WDR7: variants seen among roughly 807,000 people sequenced by gnomAD.
WDR7 encodes WD repeat-containing protein 7.
A neutral mutation model predicts 169.4 loss-of-function variants in WDR7; 46 were observed. The ratio of observed to expected loss-of-function variants is 0.27; its 90% CI spans 0.21 to 0.35. The LOEUF is 0.35. WDR7 is among the 10% of genes least tolerant of loss of function. The probability of loss-of-function intolerance (pLI) is 1.00; values close to 1 mark genes in which losing one functional copy is unlikely to be tolerated. For missense variants in WDR7, 1,534 were observed against 1,859.3 expected (o/e 0.83, Z 3.22); for synonymous variants, 612 against 666.8 (o/e 0.92, Z 1.27).
chr18:56,770,057 A>G (rs2044129356), intron 16 of WDR7, among the ~76,000 whole-genome samples: 2 of 152,142 alleles, frequency 1.3e-5, no homozygotes, highest in Admixed American at 6.5e-5. Flanking sequence ...AGCTCAGGAA[A>G]TATTTACTGA....
At chr18:57,006,261 A>C (rs2048056836) in intron 26 of WDR7, among the ~76,000 whole-genome samples, 1 of 152,118 alleles carries the variant, frequency 6.6e-6, no homozygotes, top group Non-Finnish European at 1.5e-5. Context: ...ATAAACAGAG[A>C]GCATCACAGG....
In WDR7 at chr18:56,765,792, A is replaced by G. The variant is rs1403460346; in HGVS notation, c.2848+6839A>G. On this transcript the variant is annotated intron_variant, in intron 16 of 27. Transcript: ENST00000254442. ...TTTCTTTTTATGTATGTATATATGT[A>G]TGTATGTATGTATCTATCTATCTAT... Among the ~76,000 whole-genome samples the G allele has an allele frequency of 3.3e-5, 5 of 151,952 alleles. No individual in the cohort carries two copies. The East Asian group carries it at 9.6e-4, about 29-fold the overall frequency.
At chr18:56,810,796 CTTAATA>C (rs1027423371) in intron 19 of WDR7, among the ~76,000 whole-genome samples, 8 of 152,242 alleles carry the variant, frequency 5.3e-5, no homozygotes, top group African/African-American at 1.9e-4. Flanking sequence ...ACGTAATTCA[CTTAATA>C]TTAAATTCAA....
chr18:56,800,917 C>G (rs2044663239), intron 19 of WDR7, among the ~76,000 whole-genome samples: 1 of 152,130 alleles, frequency 6.6e-6, no homozygotes, highest in Non-Finnish European at 1.5e-5. Context: ...GCTAGGTGTT[C>G]TTGTTACTAC....
At chr18:56,923,491 G>C (rs73958707) in intron 21 of WDR7, among the ~76,000 whole-genome samples, 3 of 152,118 alleles carry the variant, frequency 2.0e-5, no homozygotes, top group Non-Finnish European at 1.5e-5. Context: ...TCATTGCAAC[G>C]CGCCTGTAAT....
At chr18:56,890,419 A>G (rs892058982) in intron 21 of WDR7, among the ~76,000 whole-genome samples, 1 of 152,146 alleles carries the variant, frequency 6.6e-6, no homozygotes, top group Non-Finnish European at 1.5e-5. Context: ...TAATGAATTT[A>G]TTTCCTAGAT....
intron 20 of WDR7, among the ~76,000 whole-genome samples, chr18:56,863,182 G>A (rs1477212864): frequency 6.6e-6 from 1 of 151,686 alleles, no homozygotes; most frequent in Non-Finnish European, 1.5e-5. Context: ...CAAAACAATT[G>A]TAGTGTTAGA....
At chr18:56,810,477 T>C (rs905395761) in intron 19 of WDR7, among the ~76,000 whole-genome samples, 4 of 152,154 alleles carry the variant, frequency 2.6e-5, no homozygotes, top group African/African-American at 9.7e-5. Flanking sequence ...TCACTTCTTA[T>C]TGATTGGGAA....
At position 56,735,621 on chromosome 18, in the gene WDR7, G is replaced by T. The variant is rs1327073541; in HGVS notation, c.1989+4024G>T. 2.0e-5 allele frequency among the ~76,000 whole-genome samples: 3 copies of T among 152,070 alleles called. No individual in the cohort carries two copies. The East Asian group carries it at 5.8e-4, about 29-fold the overall frequency. ...ATTGTCACTGCAAATAGGTGAGGTA[G>T]TTCTTATTGTCCCCAATTAGCAACT... On this transcript the variant is annotated intron_variant, in intron 14 of 27. Transcript: ENST00000254442.
At chr18:56,836,331 A>T (rs1255691599) in intron 20 of WDR7, among the ~76,000 whole-genome samples, 1 of 151,996 alleles carries the variant, frequency 6.6e-6, no homozygotes, top group East Asian at 1.9e-4. Context: ...CCCCTACCTC[A>T]CTGTTGCTGA....
chr18:57,035,503 G>C, the WDR7 span: 1 of 152,308 alleles, frequency 6.6e-6, no homozygotes, highest in African/African-American at 2.4e-5. Context: ...AGAGTGAGGA[G>C]ACTGCTGGAG....
chr18:56,880,265 T>C (rs759723472), intron 21 of WDR7, 100 bp downstream of exon 21: 6 of 1,154,342 alleles, frequency 5.2e-6, no homozygotes, highest in Non-Finnish European at 7.4e-6. Context: ...TTTTAGCTCA[T>C]TTAGATTGCT....
chr18:56,725,332 A>G (rs1057022718), intron 13 of WDR7, among the ~76,000 whole-genome samples: 12 of 151,272 alleles, frequency 7.9e-5, no homozygotes, highest in African/African-American at 3.0e-4. Context: ...CTGACTTTTT[A>G]ATGATTGCCA....
intron 3 of WDR7, 68 bp downstream of exon 3, chr18:56,679,506 A>G: frequency 9.2e-7 from 1 of 1,088,164 alleles, no homozygotes; most frequent in African/African-American, 2.0e-5. Context: ...CCTTGTAAGT[A>G]GCGAGGTATT....
chr18:56,748,181 G>A (rs1230030406), intron 14 of WDR7, among the ~76,000 whole-genome samples: 1 of 152,148 alleles, frequency 6.6e-6, no homozygotes, highest in Admixed American at 6.5e-5. Context: ...TACTGCTTGT[G>A]TTATCTGTTT....
intron 5 of WDR7, among the ~76,000 whole-genome samples, chr18:56,685,397 T>C (rs2025423966): frequency 6.6e-6 from 1 of 152,206 alleles, no homozygotes; most frequent in Non-Finnish European, 1.5e-5. Context: ...GGAGCCTACG[T>C]TGACTGCTTT....
intron 19 of WDR7, among the ~76,000 whole-genome samples, chr18:56,813,343 A>G (rs550865520): frequency 2.2e-4 from 34 of 152,176 alleles, no homozygotes; most frequent in Non-Finnish European, 4.1e-4. Flanking sequence ...TATCTTTGCC[A>G]TATTCCTGAT....
intron 21 of WDR7, among the ~76,000 whole-genome samples, chr18:56,903,993 T>G (rs2046441676): frequency 6.6e-6 from 1 of 152,156 alleles, no homozygotes. Context: ...AATGCAGTGT[T>G]TAGTTAATGC....
intron 14 of WDR7, among the ~76,000 whole-genome samples, chr18:56,744,170 C>T (rs1357449452): frequency 1.5e-5 from 2 of 135,408 alleles, no homozygotes; most frequent in Non-Finnish European, 3.1e-5. Context: ...ACCCGGGAGG[C>T]GGAGCTTGCA....
Sources: allele counts gnomAD v4.1 joint callset (sites outside exome capture counted in the v4.1 genomes callset), GRCh38; gene constraint gnomAD v4.1.1; transcripts MANE v1.5; gene names NCBI Gene and HGNC (gene_info 2026-07-23, HGNC 2026-07-21).